BCL9L: variants seen among roughly 807,000 people sequenced by gnomAD.
BCL9L encodes the protein BCL9 like.
In BCL9L, 19 loss-of-function variants were observed where a neutral mutation model predicts 99.4. The observed-to-expected ratio is 0.19, with a 90% confidence interval of 0.13 to 0.28. BCL9L has a LOEUF of 0.28. Ranked by LOEUF, BCL9L falls within the 10% of genes least tolerant of loss-of-function variation. The pLI, the probability that BCL9L is intolerant of heterozygous loss-of-function variation, is 1.00. For synonymous variants in BCL9L, 900 were observed against 854.8 expected, an observed-to-expected ratio of 1.05 and a Z score of -0.92; for missense variants, 2,023 against 2,101.6, an observed-to-expected ratio of 0.96 and a Z score of 0.73.
At position 118,907,611 on chromosome 11, in the gene BCL9L, G is replaced by A. The variant is rs371756586; in HGVS notation, c.413-9C>T. 9 of 1,610,580 alleles carry A rather than the reference G, an allele frequency of 5.6e-6. No homozygotes were observed. The highest frequency in any genetic ancestry group is 2.7e-5 in the African/African-American group (2 of 74,924). On this transcript the variant is annotated splice_polypyrimidine_tract_variant and intron_variant, in intron 4 of 9. Coordinates refer to ENST00000683865, the MANE Select transcript of BCL9L (RefSeq NM_001378213.1). ...ACTCCGCGGCGCCACCTCTGCCCAG[G>A]CAGGACGGAGGAAAGAGTGAGTGCC...
intron 1 of BCL9L, among the ~76,000 whole-genome samples, chr11:118,924,932 G>C (rs567582733): frequency 6.6e-6 from 1 of 152,340 alleles, no homozygotes; most frequent in African/African-American, 2.4e-5. Flanking sequence ...GAAGCCCCCA[G>C]GGCAAGGTTC....
chr11:118,903,247 G>A lies in BCL9L; in HGVS notation c.738C>T (p.His246=), dbSNP rs1179754819. ...PSQFVYVFTT[H]LANTAAEAVL... ...CACCAGGCACTTACGTGTTGGCCAG[G>A]TGGGTGGTGAAGACATATACGAACT... The change falls in exon 6 of 10, where the codon CAC becomes CAT. Residue 246 remains histidine (H), a synonymous_variant. Coordinates refer to ENST00000683865, the MANE Select transcript of BCL9L (RefSeq NM_001378213.1). The surrounding 1 kb of genome is among the most constrained non-coding windows in gnomAD (Gnocchi z 5.6). 2.5e-6 allele frequency: 4 copies of A among 1,591,546 alleles called. No homozygotes were observed. In the South Asian group the frequency reaches 3.4e-5, roughly 14 times the overall value.
intron 2 of BCL9L, chr11:118,910,880 T>G: frequency 1.6e-5 from 1 of 62,594 alleles, no homozygotes; most frequent in Non-Finnish European, 2.9e-5. Context: ...AGCTCACACG[T>G]GGACAGGGAG....
Position 118,898,690 on chromosome 11 carries a change from G to T in BCL9L, c.4225C>A (p.Gln1409Lys). The change falls in exon 10 of 10, where the codon CAG becomes AAG. Residue 1409 changes from glutamine to lysine, a missense_variant. Gln to Lys is a moderately conservative substitution (Grantham distance 53, BLOSUM62 1). Transcript: ENST00000683865. ...LLGRTGVPPQQGMVPHGLHQG... is the reference protein window; with the variant it reads ...LLGRTGVPPQKGMVPHGLHQG... ...TGCAGGCCATGGGGCACCATCCCCT[G>T]CTGTGGGGGCACGCCTGTCCTGCCC... is the stretch of plus-strand genomic sequence containing the variant. 6.2e-7 allele frequency: 1 copy of T among 1,611,394 alleles called. No homozygotes were observed. The highest frequency in any genetic ancestry group is 8.5e-7 in the Non-Finnish European group (1 of 1,178,820).
Position 118,901,433 on chromosome 11 carries a change from G to T in BCL9L, c.2310C>A (p.Leu770=), listed in dbSNP as rs1237274798. 4 of 1,614,046 alleles carry T rather than the reference G, an allele frequency of 2.5e-6. No individual in the cohort carries two copies. Among genetic ancestry groups the T allele is most frequent in the Non-Finnish European group, 2.5e-6 (3 of 1,179,972 alleles). The change falls in exon 8 of 10, where the codon CTC becomes CTA. Residue 770 remains leucine (L), a synonymous_variant. Transcript: ENST00000683865. The surrounding 1 kb of genome is among the most constrained non-coding windows in gnomAD (Gnocchi z 6.6). ...EVDPPMGPGN[L]NMNMNVNMNM... ...TCATGTTGACATTCATGTTCATGTT[G>T]AGGTTGCCTGGCCCCATGGGTGGGT...
intron 1 of BCL9L, among the ~76,000 whole-genome samples, chr11:118,919,940 C>G (rs1259641314): frequency 1.3e-5 from 2 of 152,170 alleles, no homozygotes; most frequent in Non-Finnish European, 2.9e-5. Context: ...ATTCCTTGCC[C>G]AGGCCCTCCC....
intron 3 of BCL9L, among the ~76,000 whole-genome samples, chr11:118,908,953 C>A (rs1367008041): frequency 6.6e-6 from 1 of 152,214 alleles, no homozygotes; most frequent in Non-Finnish European, 1.5e-5. Context: ...AGCCCCAAAA[C>A]ACCCATCAGC....
At chr11:118,909,119 A>G (rs990385969) in intron 3 of BCL9L, among the ~76,000 whole-genome samples, 9 of 152,238 alleles carry the variant, frequency 5.9e-5, no homozygotes, top group Admixed American at 3.9e-4. Context: ...GGGTCACTGC[A>G]CATGCCCGGG....
rs752964762 is a variant in BCL9L at position 118,903,379 on chromosome 11, G to A, written c.606C>T (p.Ser202=). 10 of 1,610,608 alleles carry A rather than the reference G, an allele frequency of 6.2e-6. No homozygotes were observed. The highest frequency in any genetic ancestry group is 1.7e-4 in the Middle Eastern group (1 of 5,746). The change falls in exon 6 of 10, where the codon AGC becomes AGT. Residue 202 remains serine, a synonymous_variant. Transcript: ENST00000683865. The surrounding 1 kb of genome is among the most constrained non-coding windows in gnomAD (Gnocchi z 5.6). ...GPGQTTQLPL[S]ESSVPGAPHG... is the part of the protein sequence containing the mutation. Reference sequence around the variant, plus strand: ...GCGGGGCGCCTGGCACGCTGCTCTCGCTGAGGGGCAGTTGGGTGGTTTGGC... The same window carrying A: ...GCGGGGCGCCTGGCACGCTGCTCTCACTGAGGGGCAGTTGGGTGGTTTGGC...
chr11:118,920,753 C>T (rs543870189), intron 1 of BCL9L, among the ~76,000 whole-genome samples: 116 of 152,252 alleles, frequency 7.6e-4, no homozygotes, highest in Non-Finnish European at 1.4e-3. Flanking sequence ...GAGGGAGAGA[C>T]CCCAGTCCCC....
chr11:118,905,794 G>A (rs1169947479), intron 5 of BCL9L, among the ~76,000 whole-genome samples: 1 of 152,112 alleles, frequency 6.6e-6, no homozygotes, highest in Non-Finnish European at 1.5e-5. Flanking sequence ...TCCAGCCTGG[G>A]CAACAAGAGT....
chr11:118,905,324 A>C (rs1289000870), intron 5 of BCL9L, among the ~76,000 whole-genome samples: 5 of 151,758 alleles, frequency 3.3e-5, no homozygotes, highest in African/African-American at 1.2e-4. Context: ...GCCTGGCCAT[A>C]ATGGTGAAAC....
chr11:118,901,086 C>A lies in BCL9L; in HGVS notation c.2657G>T (p.Arg886Leu), dbSNP rs756632748. The A allele has an allele frequency of 6.2e-7, 1 of 1,606,420 alleles. No individual in the cohort carries two copies. The highest frequency in any genetic ancestry group is 8.5e-7 in the Non-Finnish European group (1 of 1,175,440). ...AGGGGGCAGAGGCATGTGGCTGAGC[C>A]GGGTGGTGCCCACGTTGCTCATGGG... ...SMPMSNVGTT[R>L]LSHMPLPPAS... Residue 886 changes from arginine to leucine, a missense_variant, in exon 8 of 10, where the codon CGG becomes CTG. By Grantham distance (102) the Arg-to-Leu change is moderately radical. Around this residue, in one of 3 missense-constraint regions of BCL9L, gnomAD observed 902 missense variants for 888.2 expected, o/e 1.02. Transcript: ENST00000683865. This position sits in a 1 kb window ranked among gnomAD's most constrained non-coding sequence, Gnocchi z 6.6.
At position 118,921,388 on chromosome 11, in the gene BCL9L, G is replaced by C. The variant is rs1941134044; in HGVS notation, c.-130-2509C>G. 6.6e-6 allele frequency among the ~76,000 whole-genome samples: 1 copy of C among 152,210 alleles called. No individual in the cohort carries two copies. Among genetic ancestry groups the C allele is most frequent in the South Asian group, 2.1e-4 (1 of 4,830 alleles). On this transcript the variant is annotated intron_variant, in intron 1 of 9. Coordinates refer to ENST00000683865, the MANE Select transcript of BCL9L (RefSeq NM_001378213.1). The surrounding 1 kb of genome is among the most constrained non-coding windows in gnomAD (Gnocchi z 5.4). ...TTAGAAGGCAATGCTCTGGGGAGGAGGGGAGCCTGCAGGGGGTGGAGAACC... is the reference window on the plus strand; with the variant it reads ...TTAGAAGGCAATGCTCTGGGGAGGACGGGAGCCTGCAGGGGGTGGAGAACC...
At chr11:118,916,362 T>TTCCCCACCTCATTGTGGGC (rs1258888399) in intron 2 of BCL9L, among the ~76,000 whole-genome samples, 2 of 152,146 alleles carry the variant, frequency 1.3e-5, no homozygotes, top group Non-Finnish European at 2.9e-5. Flanking sequence ...TCTGCATAGC[T>TTCCCCACCTCATTGTGGGC]TCCCCACCTC....
rs1591970952 is a variant in BCL9L, at chr11:118,897,524, T to C, written c.*891A>G. 2 of 338,002 alleles carry C rather than the reference T, an allele frequency of 5.9e-6. No individual in the cohort carries two copies. Among genetic ancestry groups the C allele is most frequent in the South Asian group, 2.2e-5 (1 of 44,494 alleles). The allele number at this position is 338,002 out of a possible 1,614,324, so 20.9% of individuals were successfully genotyped here. On this transcript the variant is annotated 3_prime_UTR_variant, in exon 10 of 10. Coordinates refer to ENST00000683865, the MANE Select transcript of BCL9L (RefSeq NM_001378213.1). ...CTCAGCAGCAGACAGGCTGCCGCCCTGGGGGTCTCAGCCCTGCTAGGGCTC... is the reference window on the plus strand; with the variant it reads ...CTCAGCAGCAGACAGGCTGCCGCCCCGGGGGTCTCAGCCCTGCTAGGGCTC...
chr11:118,897,629 G>A lies in BCL9L; in HGVS notation c.*786C>T. 1 of 370,276 alleles carries A rather than the reference G, an allele frequency of 2.7e-6. No individual in the cohort carries two copies. Among genetic ancestry groups the A allele is most frequent in the South Asian group, 2.0e-5 (1 of 49,188 alleles). The allele number at this position is 370,276 out of a possible 1,614,324, so 22.9% of individuals were successfully genotyped here. ...CATCTTACCATTTGGGGACGAGACAGGAATGGTATCCCTTAGGGACCCAGA... is the reference window on the plus strand; with the variant it reads ...CATCTTACCATTTGGGGACGAGACAAGAATGGTATCCCTTAGGGACCCAGA... On this transcript the variant is annotated 3_prime_UTR_variant, in exon 10 of 10. Coordinates refer to ENST00000683865, the MANE Select transcript of BCL9L (RefSeq NM_001378213.1).
chr11:118,919,491 G>A (rs1174142721), intron 1 of BCL9L, among the ~76,000 whole-genome samples: 2 of 152,068 alleles, frequency 1.3e-5, no homozygotes, highest in Non-Finnish European at 2.9e-5. Flanking sequence ...GGAGGGGGCT[G>A]GGCGAAGCTC....
At position 118,914,372 on chromosome 11, in the gene BCL9L, C is replaced by A. The variant is rs1235731707; in HGVS notation, c.-76-4357G>T. Among the ~76,000 whole-genome samples, 1 of 152,182 alleles carries A rather than the reference C, an allele frequency of 6.6e-6. No individual in the cohort carries two copies. Among genetic ancestry groups the A allele is most frequent in the African/African-American group, 2.4e-5 (1 of 41,444 alleles). ...AGCCAAGCGCACCACGGTGGGACCT[C>A]ACCCAGCGCCCGCCCGCCTGCCTGC... On this transcript the variant is annotated intron_variant, in intron 2 of 9. Transcript: ENST00000683865. This position sits in a 1 kb window ranked among gnomAD's most constrained non-coding sequence, Gnocchi z 4.4.
Sources: gnomAD v4.1 joint callset for allele counts (sites outside exome capture counted in the v4.1 genomes callset) on GRCh38, gnomAD v4.1.1 for gene constraint, gnomAD v4.1.1 regional missense constraint, Gnocchi (gnomAD v3.1) non-coding constraint, MANE v1.5 for transcripts, NCBI Gene and HGNC (gene_info 2026-07-23, HGNC 2026-07-21) for gene names.